The following SLCO1A2 variants were observed in gnomAD, a reference collection of about 807,000 sequenced individuals.
The protein encoded by SLCO1A2 is solute carrier organic anion transporter family member 1A2.
SLCO1A2 carries 67 observed loss-of-function variants against 69.0 expected under a neutral mutation model. That is an observed-to-expected ratio of 0.97 (90% confidence interval 0.80 to 1.19). The LOEUF is 1.19. Among genes scored for constraint, SLCO1A2 ranks in the 50% most tolerant of loss-of-function variants. SLCO1A2 has a pLI of 0.00. For missense variants in SLCO1A2, 787 were observed against 793.7 expected (o/e 0.99, Z 0.10); for synonymous variants, 260 against 265.9 (o/e 0.98, Z 0.22).
intron 4 of SLCO1A2, among the ~76,000 whole-genome samples, chr12:21,308,225 T>G (rs1223489767): frequency 6.6e-6 from 1 of 152,046 alleles, no homozygotes; most frequent in African/African-American, 2.4e-5. Flanking sequence ...GGTAAATAGA[T>G]TTTCAAACAG....
intron 2 of SLCO1A2, among the ~76,000 whole-genome samples, chr12:21,343,110 T>A (rs1953129777): frequency 6.6e-6 from 1 of 152,080 alleles, no homozygotes; most frequent in Non-Finnish European, 1.5e-5. Context: ...TGGCACCAGA[T>A]GTGGAAAGGC....
intron 14 of SLCO1A2, among the ~76,000 whole-genome samples, chr12:21,270,582 T>C (rs1007460202): frequency 6.6e-6 from 1 of 151,744 alleles, no homozygotes; most frequent in Non-Finnish European, 1.5e-5. Flanking sequence ...TGGTTCATTG[T>C]AGGTTTTTTC....
Position 21,264,708 on chromosome 12 carries a change from C to T in SLCO1A2, c.*4840G>A, listed in dbSNP as rs776066189. 3.3e-5 allele frequency: 5 copies of T among 152,164 alleles called. No individual in the cohort carries two copies. The highest frequency in any genetic ancestry group is 7.2e-5 in the African/African-American group (3 of 41,444). The allele number at this position is 152,164 out of a possible 1,614,324, so 9.4% of individuals were successfully genotyped here. A position where few individuals can be genotyped will look rare whatever the true frequency, so the allele number is the denominator to read the frequency against. On this transcript the variant is annotated 3_prime_UTR_variant, in exon 15 of 15. Transcript: ENST00000683939. ...CAGGATTATGCAATAGTGTCTCACA[C>T]AGAAATGACTCCAAAGCTCTCCTGG...
At chr12:21,356,212 TA>T (rs1254853027) in intron 2 of SLCO1A2, among the ~76,000 whole-genome samples, 1 of 151,976 alleles carries the variant, frequency 6.6e-6, no homozygotes, top group African/African-American at 2.4e-5. Flanking sequence ...ATGTAAGAAT[TA>T]AATTTAAAAT....
chr12:21,379,637 C>T (rs1940461047), intron 1 of SLCO1A2: 1 of 152,170 alleles, frequency 6.6e-6, no homozygotes, highest in African/African-American at 2.4e-5. Flanking sequence ...TGAATATCTG[C>T]TTTTCCCTGA....
intron 1 of SLCO1A2, among the ~76,000 whole-genome samples, chr12:21,414,490 C>A (rs997345865): frequency 6.6e-6 from 1 of 151,850 alleles, no homozygotes; most frequent in East Asian, 1.9e-4. Flanking sequence ...TTGCCATTAA[C>A]CAACTTAATC....
At chr12:21,386,989 G>A (rs183434824) in intron 1 of SLCO1A2, among the ~76,000 whole-genome samples, 1 of 152,216 alleles carries the variant, frequency 6.6e-6, no homozygotes, top group Admixed American at 6.5e-5. Flanking sequence ...AGGCTGAGGT[G>A]GTCTCAGATG....
chr12:21,309,160 G>A (rs935921254), intron 4 of SLCO1A2, among the ~76,000 whole-genome samples: 3 of 149,858 alleles, frequency 2.0e-5, no homozygotes, highest in Non-Finnish European at 3.0e-5. Flanking sequence ...AAAGTAACAA[G>A]AAGACAAGAG....
intron 1 of SLCO1A2, among the ~76,000 whole-genome samples, chr12:21,392,340 A>T (rs1283331099): frequency 2.6e-5 from 4 of 152,162 alleles, no homozygotes; most frequent in African/African-American, 9.7e-5. Flanking sequence ...GCTCCTTTTC[A>T]AATGTAGCCC....
At chr12:21,404,841 A>G (rs950519806) in intron 1 of SLCO1A2, among the ~76,000 whole-genome samples, 1 of 152,220 alleles carries the variant, frequency 6.6e-6, no homozygotes, top group African/African-American at 2.4e-5. Context: ...GAACCAATTT[A>G]CATTCCCACC....
At chr12:21,366,744 G>C (rs1355749644) in intron 2 of SLCO1A2, among the ~76,000 whole-genome samples, 1 of 151,910 alleles carries the variant, frequency 6.6e-6, no homozygotes, top group East Asian at 1.9e-4. Context: ...AGAAGATTCA[G>C]AAAGCAAGAT....
intron 1 of SLCO1A2, among the ~76,000 whole-genome samples, chr12:21,388,384 G>A (rs1435013569): frequency 6.6e-6 from 1 of 152,094 alleles, no homozygotes; most frequent in Non-Finnish European, 1.5e-5. Context: ...GGGACCCAGT[G>A]GGAGGTAATT....
chr12:21,272,046 C>A (rs967168107), intron 14 of SLCO1A2, among the ~76,000 whole-genome samples: 6 of 151,416 alleles, frequency 4.0e-5, no homozygotes, highest in African/African-American at 1.2e-4. Context: ...TTTAAGACTG[C>A]ATTCTTTTCC....
At chr12:21,401,921 A>C (rs578109455) in intron 1 of SLCO1A2, among the ~76,000 whole-genome samples, 2 of 151,680 alleles carry the variant, frequency 1.3e-5, no homozygotes, top group East Asian at 3.9e-4. Flanking sequence ...TAAATATATA[A>C]TAGCTCAGCA....
chr12:21,297,222 TTTCCTTCC>T lies in SLCO1A2; in HGVS notation c.1075+174_1075+181del, dbSNP rs1272030316. ...CTTTCTTTCCTTCTTTCCTTCCTTCTTTCCTTCCTTCTTTCTTTCTTTCTTTCTCTTTC... is the reference window on the plus strand; with the variant it reads ...CTTTCTTTCCTTCTTTCCTTCCTTCTTTCTTTCTTTCTTTCTTTCTCTTTC... On this transcript the variant is annotated intron_variant, in intron 9 of 14. Transcript: ENST00000683939. Among the ~76,000 whole-genome samples the T allele has an allele frequency of 2.8e-3, 348 of 125,724 alleles. 2 individuals carry two copies. Among genetic ancestry groups the T allele is most frequent in the African/African-American group, 0.012 (331 of 28,586 alleles). 82.5% of individuals were successfully genotyped at this position (125,724 alleles called of 152,430 possible).
intron 14 of SLCO1A2, among the ~76,000 whole-genome samples, chr12:21,272,471 C>G (rs11045923): frequency 0.36 from 54,657 of 151,336 alleles, 10,443 homozygotes; most frequent in African/African-American, 0.49. Flanking sequence ...ATTTACATAG[C>G]TTCATAATTT....
At chr12:21,368,768 C>A (rs1169264040) in intron 2 of SLCO1A2, among the ~76,000 whole-genome samples, 1 of 151,898 alleles carries the variant, frequency 6.6e-6, no homozygotes, top group East Asian at 1.9e-4. Flanking sequence ...CCAAAAGAAA[C>A]ACTTTAAAAT....
intron 2 of SLCO1A2, among the ~76,000 whole-genome samples, chr12:21,372,722 T>A (rs1466091688): frequency 6.6e-6 from 1 of 152,256 alleles, no homozygotes; most frequent in Non-Finnish European, 1.5e-5. Context: ...CACTGTGTAT[T>A]TGCTACGTTA....
chr12:21,291,160 A>C (rs1329724613), intron 12 of SLCO1A2, among the ~76,000 whole-genome samples: 1 of 152,192 alleles, frequency 6.6e-6, no homozygotes, highest in African/African-American at 2.4e-5. Flanking sequence ...AAAGTTAGAT[A>C]ATTCTAACTC....
Sources: allele counts gnomAD v4.1 joint callset (sites outside exome capture counted in the v4.1 genomes callset), GRCh38; gene constraint gnomAD v4.1.1; transcripts MANE v1.5; gene names NCBI Gene and HGNC (gene_info 2026-07-23, HGNC 2026-07-21).